HPSE2: variants seen among roughly 807,000 people sequenced by gnomAD.
HPSE2 encodes the protein inactive heparanase-2.
In HPSE2, 38 loss-of-function variants were observed where a neutral mutation model predicts 60.5. The observed-to-expected ratio is 0.63, with a 90% CI of 0.48 to 0.82. The LOEUF (loss-of-function observed/expected upper bound fraction) is 0.82. Ranked by LOEUF, HPSE2 falls within the 40% of genes least tolerant of loss-of-function variation. The pLI is 0.00. For missense variants in HPSE2, 713 were observed against 740.4 expected, an observed-to-expected ratio of 0.96 and a Z score of 0.43; for synonymous variants, 295 against 293.2, an observed-to-expected ratio of 1.01 and a Z score of -0.06.
chr10:99,137,871 A>G (rs1377644548), intron 3 of HPSE2, among the ~76,000 whole-genome samples: 1 of 152,252 alleles, frequency 6.6e-6, no homozygotes, highest in Admixed American at 6.5e-5. Context: ...CACTGGCAAC[A>G]AAAACCAAAA....
chr10:98,539,909 C>T (rs1943406966), intron 9 of HPSE2, among the ~76,000 whole-genome samples: 1 of 152,214 alleles, frequency 6.6e-6, no homozygotes, highest in Admixed American at 6.5e-5. Flanking sequence ...CACCCTTCAA[C>T]AGTCTTTCTT....
intron 9 of HPSE2, among the ~76,000 whole-genome samples, chr10:98,501,668 CT>C (rs1253135184): frequency 2.6e-5 from 4 of 152,150 alleles, no homozygotes; most frequent in Non-Finnish European, 5.9e-5. Context: ...CTCCTCACTC[CT>C]CTTCAACATA....
At chr10:99,197,135 T>C (rs1848426497) in intron 2 of HPSE2, among the ~76,000 whole-genome samples, 1 of 152,100 alleles carries the variant, frequency 6.6e-6, no homozygotes, top group Non-Finnish European at 1.5e-5. Context: ...TAGACAAACA[T>C]TGCATGTTCT....
chr10:99,225,678 T>A (rs571901859), intron 2 of HPSE2, among the ~76,000 whole-genome samples: 53 of 152,194 alleles, frequency 3.5e-4, no homozygotes, highest in Non-Finnish European at 4.4e-5. Context: ...AAAGGGAAGA[T>A]GGGAGAGAGC....
chr10:98,808,634 AT>A (rs1289226906), intron 3 of HPSE2, among the ~76,000 whole-genome samples: 3 of 152,156 alleles, frequency 2.0e-5, no homozygotes, highest in Non-Finnish European at 4.4e-5. Flanking sequence ...AAAGCATGTT[AT>A]TTTATAACTA....
chr10:98,817,794 T>C lies in HPSE2; in HGVS notation c.611-73738A>G, dbSNP rs563560017. ...TCTACTAAATGTTTCCTATACACTT[T>C]GGACAAAAGCTGAACTTAGAGATAT... On this transcript the variant is annotated intron_variant, in intron 3 of 11. Transcript: ENST00000370552. Among the ~76,000 whole-genome samples, 6 of 152,346 alleles carry C rather than the reference T, an allele frequency of 3.9e-5. No individual in the cohort carries two copies. The South Asian group carries it at 1.2e-3, about 32-fold the overall frequency.
intron 3 of HPSE2, among the ~76,000 whole-genome samples, chr10:99,034,412 T>C (rs896435174): frequency 7.9e-5 from 12 of 152,130 alleles, no homozygotes; most frequent in African/African-American, 2.2e-4. Flanking sequence ...AACTGTTCTA[T>C]AGCGGGGGTG....
intron 4 of HPSE2, among the ~76,000 whole-genome samples, chr10:98,740,930 G>C (rs1485242749): frequency 6.6e-6 from 1 of 152,108 alleles, no homozygotes; most frequent in East Asian, 1.9e-4. Flanking sequence ...GCAGAATACT[G>C]TACATTGGAT....
chr10:99,215,462 C>A (rs1554921905), intron 2 of HPSE2, among the ~76,000 whole-genome samples: 1 of 151,992 alleles, frequency 6.6e-6, no homozygotes, highest in Non-Finnish European at 1.5e-5. Context: ...GGCCTGTCGG[C>A]GGGGTAGGGG....
intron 9 of HPSE2, among the ~76,000 whole-genome samples, chr10:98,500,796 GAAGAA>G (rs1446625096): frequency 6.6e-6 from 1 of 151,896 alleles, no homozygotes; most frequent in Admixed American, 6.6e-5. Context: ...ACCAAGAAAA[GAAGAA>G]AAGAAGATTA....
intron 3 of HPSE2, among the ~76,000 whole-genome samples, chr10:98,769,790 G>A (rs11189812): frequency 0.086 from 13,080 of 152,176 alleles, 781 homozygotes; most frequent in Non-Finnish European, 0.13. Flanking sequence ...TGCTTTCAAG[G>A]AATTTATAGG....
chr10:98,891,517 T>C (rs1199094115), intron 3 of HPSE2, among the ~76,000 whole-genome samples: 4 of 152,112 alleles, frequency 2.6e-5, no homozygotes, highest in Non-Finnish European at 2.9e-5. Flanking sequence ...AGCATGATCA[T>C]GGCTCCCTGT....
intron 6 of HPSE2, among the ~76,000 whole-genome samples, chr10:98,643,573 A>G (rs1946691654): frequency 6.6e-6 from 1 of 152,180 alleles, no homozygotes; most frequent in African/African-American, 2.4e-5. Flanking sequence ...ATAAACATTT[A>G]TTATGTGCAA....
At chr10:98,852,034 C>T (rs560457978) in intron 3 of HPSE2, among the ~76,000 whole-genome samples, 8 of 151,524 alleles carry the variant, frequency 5.3e-5, no homozygotes, top group African/African-American at 1.9e-4. Context: ...CGGTGTCCAG[C>T]TACAGCAGTT....
At chr10:98,648,722 G>A (rs549663412) in intron 6 of HPSE2, among the ~76,000 whole-genome samples, 2 of 151,892 alleles carry the variant, frequency 1.3e-5, no homozygotes, top group Non-Finnish European at 2.9e-5. Context: ...CAGCCTGGGT[G>A]ACAGAACGAG....
chr10:98,792,673 T>C (rs926390381), intron 3 of HPSE2, among the ~76,000 whole-genome samples: 31 of 147,110 alleles, frequency 2.1e-4, no homozygotes, highest in Non-Finnish European at 6.0e-5. Context: ...GAATGGAAAA[T>C]GGTTCCTGCC....
chr10:98,833,012 G>A (rs931274092), intron 3 of HPSE2, among the ~76,000 whole-genome samples: 9 of 152,150 alleles, frequency 5.9e-5, no homozygotes, highest in African/African-American at 1.4e-4. Flanking sequence ...TCCTAAGTGG[G>A]ATGACAGCTG....
chr10:99,244,589 T>TTG, the HPSE2 span, among the ~76,000 whole-genome samples: 1 of 144,168 alleles, frequency 6.9e-6, no homozygotes, highest in Non-Finnish European at 1.5e-5. Context: ...TTTTTTTTTT[T>TTG]TTGTAGAGGC....
intron 3 of HPSE2, chr10:99,013,014 T>G (rs906270167): frequency 1.4e-5 from 5 of 365,188 alleles, no homozygotes; most frequent in African/African-American, 1.1e-4. Flanking sequence ...TGATTATAAA[T>G]ATATCTAAAT....
Sources: allele counts gnomAD v4.1 joint callset (sites outside exome capture counted in the v4.1 genomes callset), GRCh38; gene constraint gnomAD v4.1.1; transcripts MANE v1.5; gene names NCBI Gene and HGNC (gene_info 2026-07-23, HGNC 2026-07-21).